LIFR: variants seen among roughly 807,000 people sequenced by gnomAD.
LIFR encodes leukemia inhibitory factor receptor.
Under a neutral mutation model 122.2 loss-of-function variants are expected in LIFR, and 84 were observed. The observed-to-expected ratio is 0.69, with a 90% CI of 0.58 to 0.82. LIFR has a LOEUF of 0.82. LIFR is among the 40% of genes least tolerant of loss of function. The pLI, the probability that LIFR is intolerant of heterozygous loss-of-function variation, is 0.00. For missense variants in LIFR, 1,294 were observed against 1,311.6 expected, an observed-to-expected ratio of 0.99 and a Z score of 0.21; for synonymous variants, 422 against 434.7, an observed-to-expected ratio of 0.97 and a Z score of 0.36.
At chr5:38,539,430 T>G (rs185031246) in intron 1 of LIFR, among the ~76,000 whole-genome samples, 1 of 152,254 alleles carries the variant, frequency 6.6e-6, no homozygotes, top group East Asian at 1.9e-4. Context: ...GCCTTATCTT[T>G]GTAAAATCCA....
chr5:38,484,688 C>T (rs1445609853), intron 18 of LIFR, 87 bp downstream of exon 18: 4 of 845,856 alleles, frequency 4.7e-6, no homozygotes, highest in Non-Finnish European at 7.9e-6. Context: ...AAAAAAGATA[C>T]ACTTATTTAA....
intron 1 of LIFR, among the ~76,000 whole-genome samples, chr5:38,543,666 C>A (rs1350455627): frequency 2.0e-5 from 3 of 152,186 alleles, no homozygotes; most frequent in African/African-American, 7.2e-5. Flanking sequence ...ATGAAATAAC[C>A]TGAATGTTCA....
chr5:38,582,067 T>TC (rs974138829), intron 1 of LIFR, among the ~76,000 whole-genome samples: 1 of 151,658 alleles, frequency 6.6e-6, no homozygotes, highest in Non-Finnish European at 1.5e-5. Flanking sequence ...CCTTTTTTTT[T>TC]TTTCTTTTTT....
upstream of LIFR, among the ~76,000 whole-genome samples, chr5:38,561,175 A>G (rs1337714305): frequency 1.3e-5 from 2 of 152,148 alleles, no homozygotes; most frequent in African/African-American, 4.8e-5. Flanking sequence ...TCTTAAGGGT[A>G]CTTACCTGAG....
chr5:38,598,935 T>G (rs1483319862), upstream of LIFR, among the ~76,000 whole-genome samples: 1 of 152,204 alleles, frequency 6.6e-6, no homozygotes, highest in African/African-American at 2.4e-5. Flanking sequence ...TCTCCTTTCA[T>G]CCACTTAACC....
rs1172788858 is a variant in LIFR, at chr5:38,477,144, T to C, written c.*4451A>G. ...AAGCATGAATACGACCATGTAATAA[T>C]TAATAGCACTAATTGAAAAGGAATA... On this transcript the variant is annotated 3_prime_UTR_variant, in exon 20 of 20. Coordinates refer to ENST00000453190, the MANE Select transcript of LIFR (RefSeq NM_001127671.2). 4.5e-6 allele frequency: 1 copy of C among 221,402 alleles called. No individual in the cohort carries two copies. The highest frequency in any genetic ancestry group is 9.0e-6 in the Non-Finnish European group (1 of 110,602). 13.7% of individuals were successfully genotyped at this position (221,402 alleles called of 1,614,324 possible).
chr5:38,516,091 C>G (rs895271761), intron 5 of LIFR, among the ~76,000 whole-genome samples: 1 of 152,092 alleles, frequency 6.6e-6, no homozygotes, highest in Non-Finnish European at 1.5e-5. Flanking sequence ...TTGCTTCTTG[C>G]TATTATTTTC....
intron 1 of LIFR, among the ~76,000 whole-genome samples, chr5:38,543,922 T>C (rs1299234110): frequency 2.0e-5 from 3 of 152,152 alleles, no homozygotes; most frequent in East Asian, 1.9e-4. Flanking sequence ...CCAAAACTGA[T>C]TGATTCATAA....
chr5:38,529,096 G>C (rs899768506), intron 2 of LIFR, among the ~76,000 whole-genome samples: 5 of 151,598 alleles, frequency 3.3e-5, no homozygotes, highest in African/African-American at 1.2e-4. Context: ...GATGAAAGTG[G>C]GCCAGCTACT....
Position 38,554,785 on chromosome 5 carries a change from A to G in LIFR, c.-20+1549T>C, listed in dbSNP as rs149532456. Among the ~76,000 whole-genome samples, 735 of 152,332 alleles carry G rather than the reference A, an allele frequency of 4.8e-3. 5 individuals are homozygous for G. Among genetic ancestry groups the G allele is most frequent in the African/African-American group, 0.017 (715 of 41,578 alleles). ...GGTATACTCCGTATCTTTTATATCTATTGAATCTTCTCCAGTGTGAATAGA... is the reference window on the plus strand; with the variant it reads ...GGTATACTCCGTATCTTTTATATCTGTTGAATCTTCTCCAGTGTGAATAGA... On this transcript the variant is annotated intron_variant, in intron 1 of 19. Coordinates refer to ENST00000453190, the MANE Select transcript of LIFR (RefSeq NM_001127671.2).
intron 13 of LIFR, among the ~76,000 whole-genome samples, chr5:38,494,474 C>T (rs1744771772): frequency 6.8e-6 from 1 of 146,768 alleles, no homozygotes; most frequent in Non-Finnish European, 1.5e-5. Context: ...GGGCAAGGGG[C>T]AAAGGCTGAG....
chr5:38,548,885 A>T (rs1748039658), intron 1 of LIFR, among the ~76,000 whole-genome samples: 1 of 152,292 alleles, frequency 6.6e-6, no homozygotes, highest in South Asian at 2.1e-4. Context: ...CTTACATAAC[A>T]CAATTATTCT....
At chr5:38,522,351 A>G (rs1366021246) in intron 5 of LIFR, among the ~76,000 whole-genome samples, 1 of 152,022 alleles carries the variant, frequency 6.6e-6, no homozygotes, top group East Asian at 1.9e-4. Flanking sequence ...GCTTCCTGTC[A>G]CTTCTCTTGA....
chr5:38,506,494 T>A lies in LIFR; in HGVS notation c.1121+9A>T. The A allele has an allele frequency of 6.2e-7, 1 of 1,614,074 alleles. No individual in the cohort carries two copies. The highest frequency in any genetic ancestry group is 8.5e-7 in the Non-Finnish European group (1 of 1,179,966). ...TTGCCATCTGACATCTTTTCCCAGT[T>A]ATCATTACCTTTCAACTAAAGTGTA... On this transcript the variant is annotated intron_variant, in intron 8 of 19. Transcript: ENST00000453190.
chr5:38,532,776 A>G (rs139800979), intron 1 of LIFR, among the ~76,000 whole-genome samples: 1 of 152,354 alleles, frequency 6.6e-6, no homozygotes, highest in African/African-American at 2.4e-5. Flanking sequence ...ATACATGAAC[A>G]GAGCCTTCCG....
At chr5:38,581,681 G>C (rs890213356) in intron 1 of LIFR, among the ~76,000 whole-genome samples, 5 of 152,210 alleles carry the variant, frequency 3.3e-5, no homozygotes, top group Non-Finnish European at 5.9e-5. Flanking sequence ...AGAGGGAGAA[G>C]AGTAATACTG....
At chr5:38,606,003 A>C (rs1325568727) in intron 2 of LIFR, among the ~76,000 whole-genome samples, 2 of 152,210 alleles carry the variant, frequency 1.3e-5, no homozygotes, top group Non-Finnish European at 2.9e-5. Flanking sequence ...AATTCTGGCA[A>C]AATAAACTTC....
chr5:38,504,842 T>C (rs1561152758), intron 9 of LIFR, among the ~76,000 whole-genome samples: 1 of 152,132 alleles, frequency 6.6e-6, no homozygotes, highest in Non-Finnish European at 1.5e-5. Context: ...AAAGAACAAC[T>C]GATAAAAGTG....
chr5:38,544,620 T>C (rs1747774055), intron 1 of LIFR, among the ~76,000 whole-genome samples: 1 of 152,138 alleles, frequency 6.6e-6, no homozygotes, highest in African/African-American at 2.4e-5. Context: ...TCACTCTTCC[T>C]TGTGGTATCC....
Sources: gnomAD v4.1 joint callset for allele counts (sites outside exome capture counted in the v4.1 genomes callset) on GRCh38, gnomAD v4.1.1 for gene constraint, MANE v1.5 for transcripts, NCBI Gene and HGNC (gene_info 2026-07-23, HGNC 2026-07-21) for gene names.